DYSF: variants seen among roughly 807,000 people sequenced by gnomAD.
The protein encoded by DYSF is dysferlin, also known as dystrophy-associated fer-1-like 1.
A neutral mutation model predicts 274.9 loss-of-function variants in DYSF; 212 were observed. The ratio of observed to expected loss-of-function variants is 0.77; its 90% confidence interval spans 0.69 to 0.86. The LOEUF (loss-of-function observed/expected upper bound fraction) is 0.86, where lower values mean the gene tolerates loss of function less well. Among genes scored for constraint, DYSF ranks in the 40% least tolerant of loss-of-function variants. The pLI, the probability that DYSF is intolerant of heterozygous loss-of-function variation, is 0.00. For synonymous variants in DYSF, 1,091 were observed against 1,078.7 expected (o/e 1.01, Z -0.22); for missense variants, 2,666 against 2,783.2 (o/e 0.96, Z 0.95).
At chr2:71,527,145 G>T (rs2088023292) in intron 13 of DYSF, among the ~76,000 whole-genome samples, 1 of 151,994 alleles carries the variant, frequency 6.6e-6, no homozygotes, top group Non-Finnish European at 1.5e-5. Flanking sequence ...GTTTTAGATT[G>T]ACTCGAGTTA....
intron 41 of DYSF, among the ~76,000 whole-genome samples, chr2:71,621,955 A>G (rs2094112806): frequency 6.6e-6 from 1 of 152,104 alleles, no homozygotes; most frequent in South Asian, 2.1e-4. Context: ...CACCACACCC[A>G]GCCTATTCTT....
chr2:71,500,119 G>A (rs2084825038), intron 3 of DYSF, among the ~76,000 whole-genome samples: 1 of 152,154 alleles, frequency 6.6e-6, no homozygotes, highest in African/African-American at 2.4e-5. Context: ...AGACCTAGAG[G>A]CCCCTGGATA....
At chr2:71,634,166 A>G (rs1339370962) in intron 41 of DYSF, among the ~76,000 whole-genome samples, 1 of 152,158 alleles carries the variant, frequency 6.6e-6, no homozygotes, top group Non-Finnish European at 1.5e-5. Flanking sequence ...TTGAACCTTG[A>G]GCATGGGGGA....
chr2:71,515,489 TA>T, intron 7 of DYSF, 133 bp from the exon 8 acceptor site: 1 of 1,321,872 alleles, frequency 7.6e-7, no homozygotes, highest in Non-Finnish European at 1.1e-6. Flanking sequence ...ATGCTCTTCC[TA>T]ATTCCTTTTT....
intron 42 of DYSF, among the ~76,000 whole-genome samples, chr2:71,650,755 A>T (rs75540631): frequency 0.025 from 3,820 of 152,292 alleles, 117 homozygotes; most frequent in African/African-American, 0.07. Context: ...CTGGAAAATT[A>T]AAAAACCCTC....
At chr2:71,608,624 G>A (rs1219099815) in intron 36 of DYSF, among the ~76,000 whole-genome samples, 2 of 152,138 alleles carry the variant, frequency 1.3e-5, no homozygotes, top group African/African-American at 4.8e-5. Context: ...AACGGTATTG[G>A]AGCTTAACCT....
chr2:71,511,849 G>A lies in DYSF; in HGVS notation c.388G>A (p.Ala130Thr), dbSNP rs1449509021. Reference protein sequence around the residue: ...LQVSYTPLPGAVPLFPPPTPL... With the variant: ...LQVSYTPLPGTVPLFPPPTPL... ...GGTGTCCTACACACCGCTGCCTGGA[G>A]CTGTGCCCCTGTTCCCGCCCCCTAC... Residue 130 changes from alanine to threonine, a missense_variant, in exon 5 of 56, where the codon GCT becomes ACT. Ala to Thr is a moderately conservative substitution (Grantham distance 58, BLOSUM62 0). Transcript: ENST00000410020. The A allele has an allele frequency of 4.5e-6, 7 of 1,551,628 alleles. No individual in the cohort carries two copies. In the African/African-American group the frequency reaches 9.6e-5, roughly 21 times the overall value.
At position 71,530,340 on chromosome 2, in the gene DYSF, A is replaced by AC. The variant is rs549386146; in HGVS notation, c.1380+1941dup. Among the ~76,000 whole-genome samples the AC allele has an allele frequency of 1.2e-3, 183 of 152,306 alleles. 1 individual carries two copies. Among genetic ancestry groups the AC allele is most frequent in the Middle Eastern group, 0.01 (3 of 294 alleles). On this transcript the variant is annotated intron_variant, in intron 14 of 55. Transcript: ENST00000410020. ...GGAAGGTATTTCGATGGTGGCTAGAACCAAGACCGACATGCCTTCACATTC... is the reference window on the plus strand; with the variant it reads ...GGAAGGTATTTCGATGGTGGCTAGAACCCAAGACCGACATGCCTTCACATTC...
chr2:71,595,029 C>T (rs72827589), intron 32 of DYSF, among the ~76,000 whole-genome samples: 6,134 of 152,242 alleles, frequency 0.04, 152 homozygotes, highest in Middle Eastern at 0.11. Flanking sequence ...ATACAAATAA[C>T]GCAAGAGTGA....
chr2:71,550,984 G>A, intron 17 of DYSF, 57 bp from the exon 18 acceptor site: 2 of 1,503,016 alleles, frequency 1.3e-6, no homozygotes, highest in East Asian at 2.3e-5. Context: ...GTGGCTGGGT[G>A]GAGCATTGGG....
rs73942327 is a variant in DYSF, at chr2:71,559,194, G to A, written c.2217-2558G>A. Among the ~76,000 whole-genome samples, 1,187 of 152,240 alleles carry A rather than the reference G, an allele frequency of 7.8e-3. 26 individuals carry two copies. The highest frequency in any genetic ancestry group is 0.026 in the African/African-American group (1,100 of 41,546). ...CCTATGAACCCAAGGTGCTGGACATGTCCACGTGGATGTCCCACCAGCACC... is the reference window on the plus strand; with the variant it reads ...CCTATGAACCCAAGGTGCTGGACATATCCACGTGGATGTCCCACCAGCACC... On this transcript the variant is annotated intron_variant, in intron 22 of 55. Coordinates refer to ENST00000410020, the MANE Select transcript of DYSF (RefSeq NM_001130987.2).
At chr2:71,618,203 A>G (rs1298617974) in intron 40 of DYSF, among the ~76,000 whole-genome samples, 3 of 20,084 alleles carry the variant, frequency 1.5e-4, no homozygotes, top group South Asian at 1.8e-3. Context: ...TGTGGTAGAG[A>G]TGGGATGTGT....
chr2:71,633,421 A>G (rs2094346762), intron 41 of DYSF, among the ~76,000 whole-genome samples: 1 of 152,186 alleles, frequency 6.6e-6, no homozygotes, highest in South Asian at 2.1e-4. Flanking sequence ...AGTACTACAG[A>G]TGTAGAGCTA....
At chr2:71,601,185 T>C in intron 34 of DYSF, 2 of 588,732 alleles carry the variant, frequency 3.4e-6, no homozygotes, top group South Asian at 4.1e-5. Flanking sequence ...GGCTTCACCA[T>C]GACCTAGCCT....
chr2:71,566,197 C>T (rs918267018), intron 24 of DYSF, among the ~76,000 whole-genome samples: 7 of 81,246 alleles, frequency 8.6e-5, no homozygotes, highest in East Asian at 7.0e-4. Context: ...TGGGGCTGAC[C>T]GGGGAAGGCG....
chr2:71,478,496 C>A (rs900616012), intron 1 of DYSF, among the ~76,000 whole-genome samples: 1 of 152,152 alleles, frequency 6.6e-6, no homozygotes, highest in African/African-American at 2.4e-5. Flanking sequence ...CAGGTGTGAG[C>A]CACCGCGCCC....
At chr2:71,682,145 C>T (rs1410738802) in intron 54 of DYSF, among the ~76,000 whole-genome samples, 1 of 152,118 alleles carries the variant, frequency 6.6e-6, no homozygotes, top group African/African-American at 2.4e-5. Flanking sequence ...CTTGGCTTAT[C>T]TGGGGCTCGG....
chr2:71,553,070 G>T lies in DYSF; in HGVS notation c.1866G>T (p.Leu622=). ...CGGCCTTCTACTCAGCCACCATGCT[G>T]CAGGATGTGGATGATGCCATCCAGT... ...LFAAFYSATM[L]QDVDDAIQFE... is the part of the protein sequence containing the mutation. Residue 622 remains leucine (L), a synonymous_variant, in exon 20 of 56, where the codon CTG becomes CTT. Coordinates refer to ENST00000410020, the MANE Select transcript of DYSF (RefSeq NM_001130987.2). 6.2e-7 allele frequency: 1 copy of T among 1,614,202 alleles called. No homozygotes were observed. The highest frequency in any genetic ancestry group is 8.5e-7 in the Non-Finnish European group (1 of 1,180,044).
At chr2:71,456,858 A>G (rs1211686758) in intron 1 of DYSF, among the ~76,000 whole-genome samples, 2 of 152,074 alleles carry the variant, frequency 1.3e-5, no homozygotes, top group African/African-American at 4.8e-5. Context: ...AGAGCATACC[A>G]TATGCTGCCC....
Sources: gnomAD v4.1 joint callset for allele counts (sites outside exome capture counted in the v4.1 genomes callset) on GRCh38, gnomAD v4.1.1 for gene constraint, MANE v1.5 for transcripts, NCBI Gene and HGNC (gene_info 2026-07-23, HGNC 2026-07-21) for gene names.